Variants in OSBPL8 observed in about 807,000 individuals in gnomAD.
OSBPL8 encodes the protein oxysterol-binding protein-related protein 8.
In OSBPL8, 59 loss-of-function variants were observed where a neutral mutation model predicts 125.5. The observed-to-expected ratio is 0.47, with a 90% CI of 0.38 to 0.58. The LOEUF (loss-of-function observed/expected upper bound fraction) is 0.58. OSBPL8 is among the 20% of genes least tolerant of loss of function. The pLI is 0.00. For missense variants in OSBPL8, 758 were observed against 1,047.8 expected, an observed-to-expected ratio of 0.72 and a Z score of 3.82; for synonymous variants, 330 against 338.9, an observed-to-expected ratio of 0.97 and a Z score of 0.29.
chr12:76,378,676 T>C, intron 15 of OSBPL8, 126 bp from the exon 16 acceptor site: 1 of 656,372 alleles, frequency 1.5e-6, no homozygotes, highest in Admixed American at 2.9e-5. Flanking sequence ...TCAATCTCAA[T>C]GTGCCCAAAC....
intron 2 of OSBPL8, chr12:76,486,028 A>G: frequency 2.3e-6 from 1 of 435,760 alleles, no homozygotes; most frequent in Middle Eastern, 3.4e-4. Context: ...AAAATAAAGT[A>G]ACTTACCATC....
At position 76,399,992 on chromosome 12, in the gene OSBPL8, T is replaced by C. The variant is rs1953980543; in HGVS notation, c.367-18A>G. ...TTTTGTACCTATTTTATAGAAATAA[T>C]AGAAAAGATAAAAACTCAACAGAAA... On this transcript the variant is annotated intron_variant, in intron 6 of 23. Coordinates refer to ENST00000261183, the MANE Select transcript of OSBPL8 (RefSeq NM_020841.5). 6.4e-7 allele frequency: 1 copy of C among 1,551,226 alleles called. No homozygotes were observed. The highest frequency in any genetic ancestry group is 8.7e-7 in the Non-Finnish European group (1 of 1,149,212).
intron 21 of OSBPL8, among the ~76,000 whole-genome samples, chr12:76,367,231 T>TGTGTGC (rs1249578530): frequency 1.3e-5 from 2 of 148,404 alleles, no homozygotes; most frequent in Non-Finnish European, 3.0e-5. Flanking sequence ...TGTTGATTGG[T>TGTGTGC]GTGTGTGTGT....
intron 21 of OSBPL8, among the ~76,000 whole-genome samples, chr12:76,366,803 T>C (rs1952433756): frequency 2.0e-5 from 3 of 150,832 alleles, no homozygotes; most frequent in Non-Finnish European, 4.5e-5. Flanking sequence ...TTGTTTTGTT[T>C]TGTTTGTTTC....
At chr12:76,543,786 G>C (rs770632171) in intron 1 of OSBPL8, among the ~76,000 whole-genome samples, 13 of 151,964 alleles carry the variant, frequency 8.6e-5, no homozygotes, top group Non-Finnish European at 1.9e-4. Context: ...TTCACAAAAA[G>C]TTTAACTTAC....
At chr12:76,389,602 A>G (rs1953471487) in intron 12 of OSBPL8, 43 bp downstream of exon 12, 7 of 1,391,394 alleles carry the variant, frequency 5.0e-6, no homozygotes, top group Non-Finnish European at 6.7e-6. Flanking sequence ...AATTTCTAAA[A>G]TCATGAAGTA....
chr12:76,412,866 C>CA (rs1868287536), intron 4 of OSBPL8, among the ~76,000 whole-genome samples: 1 of 152,146 alleles, frequency 6.6e-6, no homozygotes, highest in Non-Finnish European at 1.5e-5. Flanking sequence ...TCTCAAGACG[C>CA]AAGGCCACCC....
chr12:76,501,473 T>C (rs1879896141), intron 1 of OSBPL8, among the ~76,000 whole-genome samples: 1 of 152,220 alleles, frequency 6.6e-6, no homozygotes, highest in African/African-American at 2.4e-5. Flanking sequence ...TGGGCCTTTA[T>C]AGTGAAGATA....
intron 1 of OSBPL8, among the ~76,000 whole-genome samples, chr12:76,557,034 G>C (rs1951124312): frequency 6.6e-6 from 1 of 152,154 alleles, no homozygotes; most frequent in East Asian, 1.9e-4. Context: ...GATTAAGGCA[G>C]GACCTATGTC....
At chr12:76,475,842 G>A (rs185745589) in intron 2 of OSBPL8, among the ~76,000 whole-genome samples, 71 of 152,278 alleles carry the variant, frequency 4.7e-4, no homozygotes, top group Middle Eastern at 3.4e-3. Flanking sequence ...TTTTTACTAT[G>A]AGCACAAAAC....
chr12:76,553,980 A>AAG (rs1385388564), intron 1 of OSBPL8, among the ~76,000 whole-genome samples: 1 of 150,852 alleles, frequency 6.6e-6, no homozygotes, highest in East Asian at 1.9e-4. Flanking sequence ...CTATCTCAAA[A>AAG]AAAAAAAAAA....
intron 18 of OSBPL8, 25 bp downstream of exon 18, chr12:76,373,319 T>C (rs1419000843): frequency 7.0e-7 from 1 of 1,423,472 alleles, no homozygotes; most frequent in East Asian, 2.3e-5. Context: ...ATTCTTTTTG[T>C]AAAGCTCATA....
chr12:76,496,271 G>C lies in OSBPL8; in HGVS notation c.-67-8653C>G, dbSNP rs573427779. Reference sequence around the variant, plus strand: ...CTCTCTGTTTCCTCTGAAGTCATTTGTTACTTCTTCTTGACCCTTCCCCTT... The same window carrying C: ...CTCTCTGTTTCCTCTGAAGTCATTTCTTACTTCTTCTTGACCCTTCCCCTT... On this transcript the variant is annotated intron_variant, in intron 1 of 23. Transcript: ENST00000261183. 2.6e-5 allele frequency among the ~76,000 whole-genome samples: 4 copies of C among 151,312 alleles called. No homozygotes were observed. In the South Asian group the frequency reaches 8.3e-4, roughly 32 times the overall value.
At chr12:76,429,504 T>C (rs1349520044) in intron 4 of OSBPL8, among the ~76,000 whole-genome samples, 3 of 152,012 alleles carry the variant, frequency 2.0e-5, no homozygotes, top group Admixed American at 6.6e-5. Flanking sequence ...ATAACAACAA[T>C]CTATTCACAG....
intron 1 of OSBPL8, 136 bp downstream of exon 1, chr12:76,559,261 G>A (rs1395012589): frequency 1.3e-5 from 2 of 152,914 alleles, no homozygotes; most frequent in Non-Finnish European, 2.9e-5. Flanking sequence ...AGGGAACAAA[G>A]GAGCCAAAGA....
intron 4 of OSBPL8, chr12:76,422,631 G>T (rs770675712): frequency 4.4e-6 from 2 of 456,346 alleles, no homozygotes; most frequent in Non-Finnish European, 8.8e-6. Context: ...GAAAATCTAC[G>T]TTGTGAGCTC....
At chr12:76,429,385 T>C (rs190380731) in intron 4 of OSBPL8, among the ~76,000 whole-genome samples, 26 of 152,106 alleles carry the variant, frequency 1.7e-4, no homozygotes, top group Middle Eastern at 3.4e-3. Context: ...GTTTCCGCTC[T>C]TACTGAGCTT....
At chr12:76,475,018 T>TA (rs1394029280) in intron 2 of OSBPL8, among the ~76,000 whole-genome samples, 1 of 152,184 alleles carries the variant, frequency 6.6e-6, no homozygotes, top group East Asian at 1.9e-4. Flanking sequence ...GAAAGACAGG[T>TA]AGAGATTTGG....
intron 1 of OSBPL8, among the ~76,000 whole-genome samples, chr12:76,529,317 C>T (rs1302058495): frequency 2.0e-5 from 3 of 152,044 alleles, no homozygotes; most frequent in African/African-American, 7.2e-5. Flanking sequence ...TTTTTCCCTT[C>T]TTGGGCACTT....
Sources: allele counts gnomAD v4.1 joint callset (sites outside exome capture counted in the v4.1 genomes callset), GRCh38; gene constraint gnomAD v4.1.1; transcripts MANE v1.5; gene names NCBI Gene and HGNC (gene_info 2026-07-23, HGNC 2026-07-21).